IL1RAPL1: variants seen among roughly 807,000 people sequenced by gnomAD.
IL1RAPL1 encodes the protein interleukin 1 receptor accessory protein like 1, also known as interleukin-1 receptor accessory protein-like 1.
In IL1RAPL1, 3 loss-of-function variants were observed where a neutral mutation model predicts 48.4. The observed-to-expected ratio is 0.06, with a 90% CI of 0.03 to 0.16. The LOEUF (loss-of-function observed/expected upper bound fraction) is 0.16, where lower values mean the gene tolerates loss of function less well. Ranked by LOEUF, IL1RAPL1 falls within the 10% of genes least tolerant of loss-of-function variation. IL1RAPL1 has a pLI of 1.00. For missense variants in IL1RAPL1, 349 were observed against 530.6 expected, an observed-to-expected ratio of 0.66 and a Z score of 3.36; for synonymous variants, 185 against 187.7, an observed-to-expected ratio of 0.99 and a Z score of 0.12.
intron 2 of IL1RAPL1, among the ~76,000 whole-genome samples, chrX:29,064,733 C>T (rs976381934): frequency 2.7e-5 from 3 of 110,833 alleles, no homozygotes; most frequent in South Asian, 3.9e-4. Context: ...AGGCGCCCGC[C>T]ACCACACCTG....
intron 2 of IL1RAPL1, among the ~76,000 whole-genome samples, chrX:29,075,328 G>A (rs1927647351): frequency 9.0e-6 from 1 of 111,475 alleles, no homozygotes; most frequent in African/African-American, 3.3e-5. Flanking sequence ...TTGTTTGTAG[G>A]CCAGAAGTTT....
At chrX:28,948,899 T>A (rs1418731847) in intron 2 of IL1RAPL1, among the ~76,000 whole-genome samples, 2 of 111,094 alleles carry the variant, frequency 1.8e-5, no homozygotes, top group Admixed American at 1.9e-4. Context: ...AATAATGAAA[T>A]AGAACAATTA....
rs192195797 is a variant in IL1RAPL1 at position 28,936,381 on chromosome X, G to A, written c.82+146956G>A. Among the ~76,000 whole-genome samples the A allele has an allele frequency of 3.6e-3, 397 of 109,889 alleles. 3 individuals carry two copies. The highest frequency in any genetic ancestry group is 0.011 in the African/African-American group (322 of 30,234). On this transcript the variant is annotated intron_variant, in intron 2 of 10. Coordinates refer to ENST00000378993, the MANE Select transcript of IL1RAPL1 (RefSeq NM_014271.4). The stretch of plus-strand genomic sequence containing the variant: ...AAAAATTAGCCAGACATGGTGGCAC[G>A]TGCCTGTAGTTGTAACTACTTGGGA...
At chrX:28,681,875 A>T (rs1468850367) in intron 1 of IL1RAPL1, among the ~76,000 whole-genome samples, 1 of 111,956 alleles carries the variant, frequency 8.9e-6, no homozygotes, top group African/African-American at 3.3e-5. Context: ...GTGTTGTGCA[A>T]CCATCACCTC....
chrX:28,721,272 T>G (rs954559906), intron 1 of IL1RAPL1, among the ~76,000 whole-genome samples: 1 of 111,973 alleles, frequency 8.9e-6, no homozygotes, highest in African/African-American at 3.2e-5. Flanking sequence ...CCTGACTTTT[T>G]AATGATCGCC....
chrX:29,324,821 C>T lies in IL1RAPL1; in HGVS notation c.362+41604C>T, dbSNP rs188938782. Among the ~76,000 whole-genome samples, 14 of 111,338 alleles carry T rather than the reference C, an allele frequency of 1.3e-4. No individual in the cohort carries two copies. In the Admixed American group the frequency reaches 1.3e-3, roughly 11 times the overall value. ...GGACTTCACTTTGGGGTACTGCTTC[C>T]TGTGCCTCAATATAATCAATGTGAT... On this transcript the variant is annotated intron_variant, in intron 3 of 10. Transcript: ENST00000378993.
chrX:29,789,654 T>A (rs1929583993), intron 6 of IL1RAPL1, among the ~76,000 whole-genome samples: 1 of 111,109 alleles, frequency 9.0e-6, no homozygotes, highest in African/African-American at 3.3e-5. Context: ...ACAACCTATT[T>A]TCTCCAGAGC....
intron 2 of IL1RAPL1, among the ~76,000 whole-genome samples, chrX:29,074,952 T>A (rs1415365504): frequency 8.9e-6 from 1 of 112,341 alleles, no homozygotes; most frequent in Non-Finnish European, 1.9e-5. Context: ...TTTAAAACAG[T>A]TGGTTCATCA....
At chrX:28,891,910 C>T (rs1398055575) in intron 2 of IL1RAPL1, among the ~76,000 whole-genome samples, 1 of 111,242 alleles carries the variant, frequency 9.0e-6, no homozygotes, top group African/African-American at 3.3e-5. Context: ...TATGGCCATC[C>T]TAGTAAGTAT....
At chrX:29,929,392 T>C (rs1448121456) in intron 8 of IL1RAPL1, among the ~76,000 whole-genome samples, 1 of 111,909 alleles carries the variant, frequency 8.9e-6, no homozygotes, top group Non-Finnish European at 1.9e-5. Context: ...CTAGCCGCAC[T>C]GTGGGAATCT....
chrX:29,836,832 T>C (rs1018030830), intron 6 of IL1RAPL1, among the ~76,000 whole-genome samples: 5 of 111,076 alleles, frequency 4.5e-5, no homozygotes, highest in African/African-American at 1.6e-4. Flanking sequence ...GTGAGAAAAA[T>C]TGAAGCTCAT....
chrX:29,510,631 G>C (rs1288167294), intron 5 of IL1RAPL1, among the ~76,000 whole-genome samples: 1 of 111,441 alleles, frequency 9.0e-6, no homozygotes, highest in Non-Finnish European at 1.9e-5. Flanking sequence ...TCCTTATACT[G>C]TGTCTCTACT....
At chrX:28,955,436 T>C (rs1924580134) in intron 2 of IL1RAPL1, among the ~76,000 whole-genome samples, 1 of 111,247 alleles carries the variant, frequency 9.0e-6, no homozygotes. Flanking sequence ...GGTCGAATCA[T>C]TAAAAATTAC....
chrX:28,744,204 A>G (rs1203854828), intron 1 of IL1RAPL1, among the ~76,000 whole-genome samples: 2 of 111,405 alleles, frequency 1.8e-5, no homozygotes, highest in Non-Finnish European at 3.8e-5. Context: ...GAGTCTTTAC[A>G]TCTTTCCATG....
chrX:29,722,689 A>T (rs1222742132), intron 6 of IL1RAPL1, among the ~76,000 whole-genome samples: 1 of 111,725 alleles, frequency 9.0e-6, no homozygotes, highest in African/African-American at 3.3e-5. Flanking sequence ...TTACATTGTG[A>T]TATCTGCTGC....
At chrX:29,589,275 CTTT>C (rs993002618) in intron 5 of IL1RAPL1, among the ~76,000 whole-genome samples, 1 of 111,722 alleles carries the variant, frequency 9.0e-6, no homozygotes, top group African/African-American at 3.2e-5. Flanking sequence ...TTCAACATCA[CTTT>C]TTAAGATCCT....
At chrX:29,584,358 T>G (rs1467470244) in intron 5 of IL1RAPL1, among the ~76,000 whole-genome samples, 1 of 111,710 alleles carries the variant, frequency 9.0e-6, no homozygotes, top group African/African-American at 3.3e-5. Context: ...AAAACCTTTC[T>G]TGACTCCAAT....
chrX:28,686,282 T>G (rs1218440311), intron 1 of IL1RAPL1, among the ~76,000 whole-genome samples: 1 of 112,029 alleles, frequency 8.9e-6, no homozygotes, highest in African/African-American at 3.2e-5. Flanking sequence ...TAAACAAAAT[T>G]TTAAAGTGAG....
chrX:28,859,465 G>A (rs983645342), intron 2 of IL1RAPL1, among the ~76,000 whole-genome samples: 2 of 110,953 alleles, frequency 1.8e-5, no homozygotes, highest in Non-Finnish European at 3.8e-5. Context: ...TCACCATGTT[G>A]GCGAGGATAG....
Sources: allele counts gnomAD v4.1 joint callset (sites outside exome capture counted in the v4.1 genomes callset), GRCh38; gene constraint gnomAD v4.1.1; transcripts MANE v1.5; gene names NCBI Gene and HGNC (gene_info 2026-07-23, HGNC 2026-07-21).